The following LPIN1 variants were observed in gnomAD, a reference collection of about 807,000 sequenced individuals.
LPIN1 encodes lipin 1.
LPIN1 carries 71 observed loss-of-function variants against 107.5 expected under a neutral mutation model. The ratio of observed to expected loss-of-function variants is 0.66; its 90% CI spans 0.55 to 0.80. The LOEUF is 0.80. Ranked by LOEUF, LPIN1 falls within the 30% of genes least tolerant of loss-of-function variation. LPIN1 has a pLI of 0.00. For synonymous variants in LPIN1, 445 were observed against 452.6 expected (o/e 0.98, Z 0.21); for missense variants, 1,043 against 1,160.6 (o/e 0.90, Z 1.47).
intron 7 of LPIN1, 50 bp from the exon 8 acceptor site, chr2:11,782,151 T>G (rs372823046): frequency 8.9e-5 from 133 of 1,490,596 alleles, no homozygotes; most frequent in Non-Finnish European, 1.1e-4. Flanking sequence ...TCTGGTTGCC[T>G]TTGTGCTGAC....
chr2:11,819,513 T>G lies in LPIN1; in HGVS notation c.2432T>G (p.Phe811Cys). 6.2e-7 allele frequency: 1 copy of G among 1,613,648 alleles called. No homozygotes were observed. Among genetic ancestry groups the G allele is most frequent in the African/African-American group, 1.3e-5 (1 of 75,040 alleles). ...GTGATTGAAAAGAAGCCAGAAAAGT[T>G]TAAAGTCCAGTGTTTGACAGACATC... ...REVIEKKPEK[F>C]KVQCLTDIKN... The change falls in exon 19 of 21, where the codon TTT (phenylalanine) becomes TGT (cysteine). Residue 811 changes from phenylalanine (F) to cysteine (C), a missense_variant. Physicochemically the swap from Phe to Cys is radical, Grantham distance 205. Coordinates refer to ENST00000674199, the MANE Select transcript of LPIN1 (RefSeq NM_001349206.2).
At chr2:11,709,385 C>T (rs1333167839) in intron 1 of LPIN1, among the ~76,000 whole-genome samples, 1 of 152,188 alleles carries the variant, frequency 6.6e-6, no homozygotes, top group Non-Finnish European at 1.5e-5. Flanking sequence ...CAGAGAAGGG[C>T]GGTACCTTGT....
At chr2:11,708,776 C>T (rs1471829745) in intron 1 of LPIN1, among the ~76,000 whole-genome samples, 1 of 152,000 alleles carries the variant, frequency 6.6e-6, no homozygotes, top group Non-Finnish European at 1.5e-5. Flanking sequence ...AGAGTTAGAA[C>T]CCAGTTTATC....
chr2:11,680,348 G>C (rs1347482018), intron 1 of LPIN1, among the ~76,000 whole-genome samples: 1 of 152,232 alleles, frequency 6.6e-6, no homozygotes, highest in Non-Finnish European at 1.5e-5. Flanking sequence ...GCCATTCCCA[G>C]AGACTCTGGG....
At chr2:11,702,933 C>A (rs1407420541) in intron 1 of LPIN1, among the ~76,000 whole-genome samples, 1 of 151,968 alleles carries the variant, frequency 6.6e-6, no homozygotes, top group Non-Finnish European at 1.5e-5. Context: ...CTTATCTTCC[C>A]CAGGGAGACA....
At chr2:11,690,799 T>C (rs1316335424) in intron 1 of LPIN1, among the ~76,000 whole-genome samples, 4 of 152,214 alleles carry the variant, frequency 2.6e-5, no homozygotes, top group African/African-American at 7.2e-5. Flanking sequence ...GTATTTCTAA[T>C]AGATTCTTTT....
intron 1 of LPIN1, among the ~76,000 whole-genome samples, chr2:11,693,820 ATATTTTTTTTTTT>A (rs1662429274): frequency 3.9e-5 from 1 of 25,684 alleles, no homozygotes; most frequent in African/African-American, 9.6e-5. Context: ...ATATATATAT[ATATTTTTTTTTTT>A]TTTTTTTTTT....
At chr2:11,783,583 T>C (rs1673939648) in intron 8 of LPIN1, among the ~76,000 whole-genome samples, 1 of 152,170 alleles carries the variant, frequency 6.6e-6, no homozygotes, top group Non-Finnish European at 1.5e-5. Context: ...ATGGAATAAG[T>C]CCATCAAAAC....
At chr2:11,709,674 A>G (rs1187425349) in intron 1 of LPIN1, among the ~76,000 whole-genome samples, 1 of 152,346 alleles carries the variant, frequency 6.6e-6, no homozygotes, top group African/African-American at 2.4e-5. Flanking sequence ...TTTCTATATG[A>G]AAATGTTACC....
At chr2:11,698,345 T>C (rs1041090468) in intron 1 of LPIN1, among the ~76,000 whole-genome samples, 3 of 152,204 alleles carry the variant, frequency 2.0e-5, no homozygotes, top group Non-Finnish European at 4.4e-5. Context: ...GTGTCCGAGT[T>C]CTGTATTTAA....
chr2:11,826,394 A>T lies in LPIN1; in HGVS notation c.*1603A>T, dbSNP rs993052179. 8 of 152,226 alleles carry T rather than the reference A, an allele frequency of 5.3e-5. No individual in the cohort carries two copies. The highest frequency in any genetic ancestry group is 1.2e-4 in the African/African-American group (5 of 41,298). 9.4% of individuals were successfully genotyped at this position (152,226 alleles called of 1,614,324 possible). A position where few individuals can be genotyped will look rare whatever the true frequency, so the allele number is the denominator to read the frequency against. ...GATTTCTGTAGAAACACGGATGTGCATGTGCAGATTCCCTTTTGCAGGTAT... is the reference window on the plus strand; with the variant it reads ...GATTTCTGTAGAAACACGGATGTGCTTGTGCAGATTCCCTTTTGCAGGTAT... On this transcript the variant is annotated 3_prime_UTR_variant, in exon 21 of 21. Coordinates refer to ENST00000674199, the MANE Select transcript of LPIN1 (RefSeq NM_001349206.2).
intron 1 of LPIN1, among the ~76,000 whole-genome samples, chr2:11,731,844 T>TC (rs1665270256): frequency 6.7e-6 from 1 of 149,372 alleles, no homozygotes; most frequent in African/African-American, 2.5e-5. Context: ...TTTTTTTTCA[T>TC]ATGTTTGTTG....
In LPIN1 at chr2:11,751,198, C is replaced by G. The variant is rs143137366; in HGVS notation, c.-10+4527C>G. On this transcript the variant is annotated intron_variant, in intron 1 of 20. Coordinates refer to ENST00000674199, the MANE Select transcript of LPIN1 (RefSeq NM_001349206.2). ...ATCTGAGGGTTGCAAAGTGTCAGCG[C>G]TGGAGGAGCTGAGTGATCACTCATC... 2.4e-3 allele frequency among the ~76,000 whole-genome samples: 359 copies of G among 152,262 alleles called. 3 individuals are homozygous for G. The highest frequency in any genetic ancestry group is 6.5e-3 in the African/African-American group (272 of 41,532).
upstream of LPIN1, chr2:11,722,638 G>C (rs1664230015): frequency 6.6e-6 from 1 of 152,218 alleles, no homozygotes; most frequent in South Asian, 2.1e-4. Context: ...AAGGCTGGCG[G>C]GAGTGTTACA....
intron 1 of LPIN1, among the ~76,000 whole-genome samples, chr2:11,679,588 G>A (rs1037090340): frequency 3.9e-5 from 6 of 152,116 alleles, no homozygotes; most frequent in Non-Finnish European, 7.4e-5. Flanking sequence ...GTATTCCATC[G>A]CTCTTCCAAC....
upstream of LPIN1, chr2:11,721,662 C>G (rs1231054110): frequency 6.6e-6 from 1 of 152,252 alleles, no homozygotes; most frequent in Non-Finnish European, 1.5e-5. Context: ...GGGACAGACA[C>G]TTTTCCTCTG....
intron 1 of LPIN1, among the ~76,000 whole-genome samples, chr2:11,713,255 C>T (rs1663521370): frequency 6.6e-6 from 1 of 152,152 alleles, no homozygotes; most frequent in Admixed American, 6.5e-5. Flanking sequence ...TGAATGTGCT[C>T]AAAGAAAAGA....
chr2:11,763,285 A>C (rs1359661773), intron 1 of LPIN1: 1 of 152,528 alleles, frequency 6.6e-6, no homozygotes, highest in Non-Finnish European at 1.5e-5. Flanking sequence ...CAGGGATAAG[A>C]TGTGAGTGCC....
At chr2:11,718,749 CTT>C (rs1663918120) in intron 2 of LPIN1, among the ~76,000 whole-genome samples, 1 of 152,188 alleles carries the variant, frequency 6.6e-6, no homozygotes, top group Admixed American at 6.5e-5. Flanking sequence ...TCTGCTAACT[CTT>C]TGTGTTCTGA....
Sources: gnomAD v4.1 joint callset for allele counts (sites outside exome capture counted in the v4.1 genomes callset) on GRCh38, gnomAD v4.1.1 for gene constraint, MANE v1.5 for transcripts, NCBI Gene and HGNC (gene_info 2026-07-23, HGNC 2026-07-21) for gene names.